The following TAF4B variants were observed in gnomAD, a reference collection of about 807,000 sequenced individuals.
TAF4B encodes the protein TATA-box binding protein associated factor 4b.
Under a neutral mutation model 86.4 loss-of-function variants are expected in TAF4B, and 38 were observed. That is an observed-to-expected ratio of 0.44 (90% CI 0.34 to 0.58). The LOEUF is 0.58. Among genes scored for constraint, TAF4B ranks in the 20% least tolerant of loss-of-function variants. TAF4B has a pLI of 0.02. For missense variants in TAF4B, 988 were observed against 1,027.6 expected (o/e 0.96, Z 0.53); for synonymous variants, 388 against 391.2 (o/e 0.99, Z 0.10).
At chr18:26,315,153 T>TCACACACA (rs1568148069) in intron 9 of TAF4B, 76 bp from the exon 10 acceptor site, 11 of 467,428 alleles carry the variant, frequency 2.4e-5, no homozygotes, top group African/African-American at 1.5e-4. Flanking sequence ...TCTGTCTCTC[T>TCACACACA]CTCTCTCTCA....
chr18:26,285,210 C>CT (rs113394710), intron 6 of TAF4B, among the ~76,000 whole-genome samples: 5,876 of 42,328 alleles, frequency 0.14, 372 homozygotes, highest in Middle Eastern at 0.23. Flanking sequence ...TCTTCCTTTC[C>CT]TTTTTTTTTT....
intron 12 of TAF4B, among the ~76,000 whole-genome samples, chr18:26,330,195 G>A (rs117398443): frequency 0.011 from 1,663 of 152,206 alleles, 19 homozygotes; most frequent in Non-Finnish European, 0.017. Context: ...AACTCTCCTC[G>A]TTTTATTAGC....
chr18:26,283,424 T>G (rs114267787), intron 6 of TAF4B, among the ~76,000 whole-genome samples: 3,134 of 151,544 alleles, frequency 0.021, 92 homozygotes, highest in African/African-American at 0.072. Context: ...ATTTTGAAAA[T>G]AATCTTTTTT....
chr18:26,312,636 T>C (rs2056864588), intron 9 of TAF4B, among the ~76,000 whole-genome samples: 1 of 152,144 alleles, frequency 6.6e-6, no homozygotes, highest in Non-Finnish European at 1.5e-5. Context: ...GCACTGGTCT[T>C]GCCAGCCTGT....
chr18:26,320,972 G>T, intron 10 of TAF4B, 98 bp from the exon 11 acceptor site: 1 of 1,418,306 alleles, frequency 7.1e-7, no homozygotes, highest in Admixed American at 1.9e-5. Flanking sequence ...TATTCATAAT[G>T]GGTATGACTT....
At chr18:26,348,152 T>C (rs905962823) in intron 13 of TAF4B, among the ~76,000 whole-genome samples, 1 of 152,232 alleles carries the variant, frequency 6.6e-6, no homozygotes, top group Non-Finnish European at 1.5e-5. Context: ...TTTTCCAGTA[T>C]TGACCATATG....
chr18:26,385,155 A>T (rs753356614), intron 14 of TAF4B, among the ~76,000 whole-genome samples: 9 of 152,200 alleles, frequency 5.9e-5, no homozygotes, highest in African/African-American at 2.2e-4. Flanking sequence ...ATTTAAGGAA[A>T]TGTGGAAAAA....
At chr18:26,331,905 C>A (rs114182529) in intron 12 of TAF4B, among the ~76,000 whole-genome samples, 4 of 152,170 alleles carry the variant, frequency 2.6e-5, no homozygotes, top group Admixed American at 2.6e-4. Flanking sequence ...CAGTGGCTTC[C>A]TGTTGCACTT....
intron 3 of TAF4B, among the ~76,000 whole-genome samples, chr18:26,269,557 C>T (rs2056286850): frequency 6.6e-6 from 1 of 152,148 alleles, no homozygotes; most frequent in Admixed American, 6.6e-5. Flanking sequence ...GCTAGTAGAT[C>T]AGACCTTCTT....
intron 14 of TAF4B, among the ~76,000 whole-genome samples, chr18:26,375,379 A>G (rs2057435727): frequency 6.6e-6 from 1 of 152,160 alleles, no homozygotes. Context: ...ACATTCATAT[A>G]TAACTTCTTA....
chr18:26,268,610 G>A (rs1271081033), intron 3 of TAF4B, among the ~76,000 whole-genome samples: 1 of 152,098 alleles, frequency 6.6e-6, no homozygotes, highest in East Asian at 1.9e-4. Flanking sequence ...AATACAAGGA[G>A]GCATTTAAGT....
At chr18:26,263,903 G>C (rs181813585) in intron 1 of TAF4B, among the ~76,000 whole-genome samples, 36 of 152,248 alleles carry the variant, frequency 2.4e-4, no homozygotes, top group Non-Finnish European at 3.8e-4. Flanking sequence ...TTGTCTAAGA[G>C]TTTAAAAATT....
intron 1 of TAF4B, among the ~76,000 whole-genome samples, chr18:26,232,472 A>AGCT: frequency 6.6e-6 from 1 of 152,192 alleles, no homozygotes; most frequent in South Asian, 2.1e-4. Flanking sequence ...ATCCTGAAGG[A>AGCT]AACAAATTTG....
At chr18:26,234,962 G>T (rs189066694) in intron 1 of TAF4B, among the ~76,000 whole-genome samples, 1 of 152,250 alleles carries the variant, frequency 6.6e-6, no homozygotes, top group East Asian at 1.9e-4. Context: ...GATGGCCACC[G>T]CTGCAACTAC....
intron 10 of TAF4B, among the ~76,000 whole-genome samples, chr18:26,315,839 T>C (rs1407616580): frequency 6.6e-6 from 1 of 152,148 alleles, no homozygotes; most frequent in Non-Finnish European, 1.5e-5. Context: ...TTTAAAAAAC[T>C]AGATTAGAGT....
intron 1 of TAF4B, among the ~76,000 whole-genome samples, chr18:26,260,330 G>A (rs1372361242): frequency 6.6e-6 from 1 of 152,070 alleles, no homozygotes; most frequent in African/African-American, 2.4e-5. Context: ...CATTGCTTTT[G>A]GTGTTTTAGA....
intron 5 of TAF4B, 131 bp from the exon 6 acceptor site, chr18:26,281,840 A>G (rs560577019): frequency 4.9e-6 from 3 of 618,028 alleles, no homozygotes; most frequent in African/African-American, 1.8e-5. Context: ...TGGCATGAAG[A>G]AAAAAGCCTA....
At chr18:26,262,853 A>G (rs1253102444) in intron 1 of TAF4B, among the ~76,000 whole-genome samples, 1 of 152,214 alleles carries the variant, frequency 6.6e-6, no homozygotes, top group African/African-American at 2.4e-5. Context: ...ACTGGGGAAC[A>G]GAGTTGTAGA....
At chr18:26,337,339 G>A (rs1382070931) in intron 13 of TAF4B, among the ~76,000 whole-genome samples, 2 of 151,852 alleles carry the variant, frequency 1.3e-5, no homozygotes, top group African/African-American at 4.8e-5. Flanking sequence ...AGGGGCTGTA[G>A]TTCAGAATCA....
Sources: gnomAD v4.1 joint callset for allele counts (sites outside exome capture counted in the v4.1 genomes callset) on GRCh38, gnomAD v4.1.1 for gene constraint, MANE v1.5 for transcripts, NCBI Gene and HGNC (gene_info 2026-07-23, HGNC 2026-07-21) for gene names.